GABRA1: variants seen among roughly 807,000 people sequenced by gnomAD.
The protein encoded by GABRA1 is gamma-aminobutyric acid type A receptor subunit alpha1, also known as gamma-aminobutyric acid receptor subunit alpha-1.
A neutral mutation model predicts 48.9 loss-of-function variants in GABRA1; 9 were observed. That is an observed-to-expected ratio of 0.18 (90% CI 0.11 to 0.32). GABRA1 has a LOEUF of 0.32. Among genes scored for constraint, GABRA1 ranks in the 10% least tolerant of loss-of-function variants. The pLI, the probability that GABRA1 is intolerant of heterozygous loss-of-function variation, is 1.00. For missense variants in GABRA1, 285 were observed against 553.8 expected (o/e 0.51, Z 4.87); for synonymous variants, 210 against 198.7 (o/e 1.06, Z -0.48).
chr5:161,859,983 T>G (rs1257101504), intron 3 of GABRA1, among the ~76,000 whole-genome samples: 1 of 151,824 alleles, frequency 6.6e-6, no homozygotes, highest in African/African-American at 2.4e-5. Flanking sequence ...CTCTGTGGCT[T>G]TTAATGCAAG....
At chr5:161,872,187 A>G (rs940877279) in intron 4 of GABRA1, 1 of 152,634 alleles carries the variant, frequency 6.6e-6, no homozygotes, top group Non-Finnish European at 1.5e-5. Context: ...GGTAATCTCT[A>G]TTTCAAACCA....
At chr5:161,886,449 T>C (rs866578182) in intron 7 of GABRA1, among the ~76,000 whole-genome samples, 1 of 151,906 alleles carries the variant, frequency 6.6e-6, no homozygotes, top group Non-Finnish European at 1.5e-5. Flanking sequence ...GTAAAATGTA[T>C]GCAGTAAGTG....
At chr5:161,871,593 G>A (rs1360038988) in intron 4 of GABRA1, among the ~76,000 whole-genome samples, 2 of 152,078 alleles carry the variant, frequency 1.3e-5, no homozygotes, top group African/African-American at 4.8e-5. Flanking sequence ...TATGCCCATC[G>A]TACACCTTCA....
chr5:161,868,296 G>A (rs1265863721), intron 4 of GABRA1, among the ~76,000 whole-genome samples: 2 of 152,034 alleles, frequency 1.3e-5, no homozygotes, highest in African/African-American at 4.8e-5. Flanking sequence ...TCCTTTGCTG[G>A]GGTGTACATT....
At chr5:161,892,245 C>T (rs1755124795) in intron 8 of GABRA1, among the ~76,000 whole-genome samples, 1 of 152,150 alleles carries the variant, frequency 6.6e-6, no homozygotes, top group South Asian at 2.1e-4. Context: ...TAGGCACCTG[C>T]TGTTTTTAAG....
At chr5:161,860,562 A>T (rs1035916237) in intron 3 of GABRA1, among the ~76,000 whole-genome samples, 3 of 151,904 alleles carry the variant, frequency 2.0e-5, no homozygotes, top group African/African-American at 7.2e-5. Flanking sequence ...ACTAAGACCT[A>T]GTATTTAATA....
rs917415345 is a variant in GABRA1, at chr5:161,897,643, C to A, written c.*221C>A. ...GATTCTGACAGAGCAAGCGAAAGAGCAAAGTCATGTCAGAAGGAGACAGAA... is the reference window on the plus strand; with the variant it reads ...GATTCTGACAGAGCAAGCGAAAGAGAAAAGTCATGTCAGAAGGAGACAGAA... On this transcript the variant is annotated 3_prime_UTR_variant, in exon 10 of 10. Transcript: ENST00000393943. The A allele has an allele frequency of 2.3e-5, 12 of 528,546 alleles. No homozygotes were observed. The highest frequency in any genetic ancestry group is 1.4e-4 in the African/African-American group (7 of 51,540). The allele number at this position is 528,546 out of a possible 1,614,324, so 32.7% of individuals were successfully genotyped here.
chr5:161,871,804 C>T (rs186737282), intron 4 of GABRA1, among the ~76,000 whole-genome samples: 1 of 152,284 alleles, frequency 6.6e-6, no homozygotes, highest in Non-Finnish European at 1.5e-5. Context: ...CACCGGATTA[C>T]ACCTCCTTGT....
chr5:161,867,459 G>A (rs780764470), intron 4 of GABRA1, among the ~76,000 whole-genome samples: 20 of 152,078 alleles, frequency 1.3e-4, no homozygotes, highest in Non-Finnish European at 2.2e-4. Flanking sequence ...GATTCAAGCT[G>A]GTTGAATCCA....
chr5:161,866,430 T>A (rs1753854868), intron 4 of GABRA1, among the ~76,000 whole-genome samples: 1 of 152,074 alleles, frequency 6.6e-6, no homozygotes, highest in African/African-American at 2.4e-5. Flanking sequence ...TTATATAATA[T>A]TCCTGAACTA....
chr5:161,875,676 A>G (rs370546604), intron 6 of GABRA1, 34 bp downstream of exon 6: 8 of 1,450,634 alleles, frequency 5.5e-6, no homozygotes, highest in African/African-American at 2.8e-5. Context: ...TCTTGATTGT[A>G]AGTCATTAAG....
intron 7 of GABRA1, among the ~76,000 whole-genome samples, chr5:161,888,587 AT>A (rs1434242515): frequency 2.6e-5 from 4 of 152,096 alleles, no homozygotes; most frequent in East Asian, 3.9e-4. Flanking sequence ...ATACAGATGA[AT>A]TTTTTTCTTT....
At position 161,897,726 on chromosome 5, in the gene GABRA1, A is replaced by T. The variant is rs1755436168; in HGVS notation, c.*304A>T. 3.3e-6 allele frequency: 1 copy of T among 303,698 alleles called. No homozygotes were observed. Among genetic ancestry groups the T allele is most frequent in the Non-Finnish European group, 6.1e-6 (1 of 164,290 alleles). The allele number at this position is 303,698 out of a possible 1,614,324, so 18.8% of individuals were successfully genotyped here. A position where few individuals can be genotyped will look rare whatever the true frequency, so the allele number is the denominator to read the frequency against. ...GATACAAGAAAAAGTAGAAAAAAAA[A>T]TAACACTTAACTAAAACCCCTAGGT... On this transcript the variant is annotated 3_prime_UTR_variant, in exon 10 of 10. Transcript: ENST00000393943.
At chr5:161,884,983 G>A (rs1754782570) in intron 7 of GABRA1, among the ~76,000 whole-genome samples, 1 of 152,168 alleles carries the variant, frequency 6.6e-6, no homozygotes, top group South Asian at 2.1e-4. Context: ...TTAGTAGAAT[G>A]AGAGACAGTG....
intron 1 of GABRA1, among the ~76,000 whole-genome samples, chr5:161,849,651 A>G (rs568574469): frequency 1.3e-5 from 2 of 152,350 alleles, no homozygotes; most frequent in Admixed American, 1.3e-4. Flanking sequence ...AGAGGGTTTA[A>G]TGAAAAAGAA....
rs753705666 is a variant in GABRA1 at position 161,865,796 on chromosome 5, G to T, written c.255+8G>T. On this transcript the variant is annotated splice_region_variant and intron_variant, in intron 4 of 9. Transcript: ENST00000393943. ...GTTTCAGACCATGATATGGTAAGTG[G>T]ACACTTTATCTTTGCTTTTCTTGAA... 1 of 1,607,342 alleles carries T rather than the reference G, an allele frequency of 6.2e-7. No individual in the cohort carries two copies. The highest frequency in any genetic ancestry group is 1.1e-5 in the South Asian group (1 of 90,944).
At chr5:161,875,678 G>C in intron 6 of GABRA1, 36 bp downstream of exon 6, 1 of 1,446,452 alleles carries the variant, frequency 6.9e-7, no homozygotes, top group Non-Finnish European at 9.7e-7. Flanking sequence ...TTGATTGTAA[G>C]TCATTAAGCA....
intron 3 of GABRA1, among the ~76,000 whole-genome samples, chr5:161,861,594 C>T (rs1481677718): frequency 6.6e-6 from 1 of 151,814 alleles, no homozygotes; most frequent in African/African-American, 2.4e-5. Context: ...CATATCTAGA[C>T]TTAGTAGCTG....
intron 3 of GABRA1, among the ~76,000 whole-genome samples, chr5:161,865,392 A>C (rs929513792): frequency 6.6e-6 from 1 of 152,184 alleles, no homozygotes; most frequent in East Asian, 1.9e-4. Context: ...AAGCTATACC[A>C]ACATGTTAAT....
Sources: gnomAD v4.1 joint callset for allele counts (sites outside exome capture counted in the v4.1 genomes callset) on GRCh38, gnomAD v4.1.1 for gene constraint, MANE v1.5 for transcripts, NCBI Gene and HGNC (gene_info 2026-07-23, HGNC 2026-07-21) for gene names.